Variants in WDR17 observed in about 807,000 individuals in gnomAD.
The protein encoded by WDR17 is WD repeat-containing protein 17.
WDR17 carries 143 observed loss-of-function variants against 161.7 expected under a neutral mutation model. The observed-to-expected ratio is 0.88, with a 90% confidence interval of 0.77 to 1.02. WDR17 has a LOEUF of 1.02. Ranked by LOEUF, WDR17 falls within the 50% of genes least tolerant of loss-of-function variation. WDR17 has a pLI of 0.00. For missense variants in WDR17, 1,469 were observed against 1,520.9 expected (o/e 0.97, Z 0.57); for synonymous variants, 517 against 515.6 (o/e 1.00, Z -0.04).
In WDR17 at chr4:176,177,108, T is replaced by C; in HGVS notation, c.3500T>C (p.Leu1167Pro). ...EVSVPLKIEY[L>P]SEELDAWRAC... ...TCAGTACCTTTAAAAATTGAATATC[T>C]TTCTGAGGAATTGGATGCATGGAGA... The change falls in exon 27 of 29, where the codon CTT (leucine) becomes CCT (proline). Residue 1167 changes from leucine (L) to proline (P), a missense_variant. By Grantham distance (98) the Leu-to-Pro change is moderately conservative. Transcript: ENST00000508596. 6.2e-7 allele frequency: 1 copy of C among 1,613,876 alleles called. No individual in the cohort carries two copies. The highest frequency in any genetic ancestry group is 8.5e-7 in the Non-Finnish European group (1 of 1,179,884).
chr4:176,151,869 G>A lies in WDR17; in HGVS notation c.2362G>A (p.Val788Ile), dbSNP rs1747179168. 3.7e-6 allele frequency: 6 copies of A among 1,612,448 alleles called. No individual in the cohort carries two copies. Among genetic ancestry groups the A allele is most frequent in the African/African-American group, 1.3e-5 (1 of 74,824 alleles). ...GTCTAAATTTGGTGGTGGTATTGGT[G>A]TACCTGCTAAAGAGGAAAGACTGAA... is the stretch of plus-strand genomic sequence containing the variant. Reference protein sequence around the residue: ...KMSKFGGGIGVPAKEERLKEA... With the variant: ...KMSKFGGGIGIPAKEERLKEA... Residue 788 changes from valine (V) to isoleucine (I), a missense_variant, in exon 17 of 29, where the codon GTA (valine) becomes ATA (isoleucine). Transcript: ENST00000508596.
At chr4:176,177,867 C>T (rs903070014) in intron 28 of WDR17, among the ~76,000 whole-genome samples, 2 of 151,480 alleles carry the variant, frequency 1.3e-5, no homozygotes, top group Admixed American at 6.6e-5. Flanking sequence ...CTGACTCTTA[C>T]CACAGAAGCA....
intron 1 of WDR17, among the ~76,000 whole-genome samples, chr4:176,084,911 G>T (rs1001112175): frequency 6.6e-6 from 1 of 151,054 alleles, no homozygotes; most frequent in Non-Finnish European, 1.5e-5. Context: ...ATCACTTAAC[G>T]GTATATGAAG....
intron 1 of WDR17, among the ~76,000 whole-genome samples, chr4:176,082,684 A>G (rs1734900858): frequency 6.6e-6 from 1 of 152,164 alleles, no homozygotes; most frequent in African/African-American, 2.4e-5. Flanking sequence ...CAAACAATAA[A>G]TCCCAATGCT....
intron 1 of WDR17, among the ~76,000 whole-genome samples, chr4:176,100,011 G>A (rs1485569990): frequency 6.6e-6 from 1 of 152,054 alleles, no homozygotes; most frequent in African/African-American, 2.4e-5. Flanking sequence ...TGATTCTATA[G>A]CTTTGCTATT....
chr4:176,084,494 T>C (rs1735168752), intron 1 of WDR17, among the ~76,000 whole-genome samples: 2 of 151,946 alleles, frequency 1.3e-5, no homozygotes, highest in African/African-American at 4.8e-5. Context: ...ACCTCCAACA[T>C]TGTGATCAAA....
chr4:176,144,088 C>T (rs1475146806), intron 11 of WDR17, among the ~76,000 whole-genome samples: 3 of 152,088 alleles, frequency 2.0e-5, no homozygotes, highest in African/African-American at 7.2e-5. Flanking sequence ...GATTTTCACC[C>T]CAAGGTTCAC....
chr4:176,129,035 C>G (rs1384408897), intron 6 of WDR17, among the ~76,000 whole-genome samples, 175 bp downstream of exon 6: 1 of 152,058 alleles, frequency 6.6e-6, no homozygotes, highest in African/African-American at 2.4e-5. Flanking sequence ...TCTACTGTTA[C>G]TAAATTGAAA....
intron 18 of WDR17, among the ~76,000 whole-genome samples, chr4:176,156,881 G>A (rs1009126185): frequency 2.9e-4 from 44 of 152,022 alleles, no homozygotes; most frequent in African/African-American, 8.9e-4. Flanking sequence ...TTTTTGACAC[G>A]TCACTCCAGT....
Position 176,179,974 on chromosome 4 carries a change from A to G in WDR17, c.*395A>G, listed in dbSNP as rs1380349729. On this transcript the variant is annotated 3_prime_UTR_variant, in exon 29 of 29. Coordinates refer to ENST00000508596, the MANE Select transcript of WDR17 (RefSeq NM_181265.4). The stretch of plus-strand genomic sequence containing the variant: ...GACATACAGTAAGTACTTAATGGAT[A>G]TTTGAATGATTGAATATCTTGAAAT... The G allele has an allele frequency of 6.6e-6, 1 of 152,266 alleles. No individual in the cohort carries two copies. The highest frequency in any genetic ancestry group is 1.9e-4 in the East Asian group (1 of 5,200). 9.4% of individuals were successfully genotyped at this position (152,266 alleles called of 1,614,324 possible).
rs561392216 is a variant in WDR17 at position 176,109,575 on chromosome 4, G to A, written c.-6-2000G>A. Reference sequence around the variant, plus strand: ...ACAGAAAGAATTGGAGAAGAGAAGAGGAGATGAGAAGAAAGTAGATCCTTT... The same window carrying A: ...ACAGAAAGAATTGGAGAAGAGAAGAAGAGATGAGAAGAAAGTAGATCCTTT... On this transcript the variant is annotated intron_variant, in intron 1 of 28. Coordinates refer to ENST00000508596, the MANE Select transcript of WDR17 (RefSeq NM_181265.4). 7.2e-5 allele frequency among the ~76,000 whole-genome samples: 11 copies of A among 152,276 alleles called. No homozygotes were observed. The East Asian group carries it at 2.1e-3, about 29-fold the overall frequency.
Position 176,173,271 on chromosome 4 carries a change from C to T in WDR17, c.3249C>T (p.Tyr1083=), listed in dbSNP as rs767830350. The part of the protein sequence containing the change: ...LPIGISFVKE[Y]ISSSDWTLDT... ...CATCTGGTTTAATTTTTCCAGAATA[C>T]ATCAGTAGCTCAGACTGGACTTTGG... Residue 1083 remains tyrosine (Y), a synonymous_variant, in exon 25 of 29, where the codon TAC becomes TAT. Coordinates refer to ENST00000508596, the MANE Select transcript of WDR17 (RefSeq NM_181265.4). 45 of 1,602,904 alleles carry T rather than the reference C, an allele frequency of 2.8e-5. No homozygotes were observed. Among genetic ancestry groups the T allele is most frequent in the Middle Eastern group, 1.7e-4 (1 of 5,828 alleles).
rs569978396 is a variant in WDR17, at chr4:176,066,443, A to G, written c.-7+364A>G. ...CCCTCCGCCGGCCAGACACTTCTGTATAGATCATTTACCCCTTTGAAGATG... is the reference window on the plus strand; with the variant it reads ...CCCTCCGCCGGCCAGACACTTCTGTGTAGATCATTTACCCCTTTGAAGATG... On this transcript the variant is annotated intron_variant, in intron 1 of 28. Transcript: ENST00000508596. 2.6e-5 allele frequency among the ~76,000 whole-genome samples: 4 copies of G among 152,296 alleles called. No individual in the cohort carries two copies. The South Asian group carries it at 8.3e-4, about 32-fold the overall frequency.
At position 176,148,330 on chromosome 4, in the gene WDR17, T is replaced by A; in HGVS notation, c.1892T>A (p.Val631Glu). The change falls in exon 13 of 29, where the codon GTA (valine) becomes GAA (glutamate). Residue 631 changes from valine to glutamate, a missense_variant. Physicochemically the swap from Val to Glu is moderately radical, Grantham distance 121. Coordinates refer to ENST00000508596, the MANE Select transcript of WDR17 (RefSeq NM_181265.4). ...VDTVYDHGADVYGLTCHPSRP... is the reference protein window; with the variant it reads ...VDTVYDHGADEYGLTCHPSRP... Reference sequence around the variant, plus strand: ...ACTGTGTATGATCACGGTGCAGATGTATATGGTAGAGTGTCTTTCATTCTT... The same window carrying A: ...ACTGTGTATGATCACGGTGCAGATGAATATGGTAGAGTGTCTTTCATTCTT... 1 of 1,613,316 alleles carries A rather than the reference T, an allele frequency of 6.2e-7. No individual in the cohort carries two copies. The highest frequency in any genetic ancestry group is 8.5e-7 in the Non-Finnish European group (1 of 1,179,454).
intron 22 of WDR17, 50 bp downstream of exon 22, chr4:176,163,343 T>C: frequency 1.3e-6 from 2 of 1,549,452 alleles, no homozygotes; most frequent in South Asian, 2.5e-5. Flanking sequence ...GGAATACATT[T>C]TTAAAACATT....
intron 1 of WDR17, among the ~76,000 whole-genome samples, chr4:176,106,221 C>G (rs1738690922): frequency 6.6e-6 from 1 of 151,862 alleles, no homozygotes; most frequent in Non-Finnish European, 1.5e-5. Flanking sequence ...CAGTGTCATA[C>G]CAGCATAAAG....
At chr4:176,155,515 T>C (rs1224824744) in intron 17 of WDR17, among the ~76,000 whole-genome samples, 1 of 149,654 alleles carries the variant, frequency 6.7e-6, no homozygotes, top group Admixed American at 6.7e-5. Flanking sequence ...TACAATCTTT[T>C]TTACTTTGTT....
chr4:176,150,150 A>T lies in WDR17; in HGVS notation c.2155A>T (p.Arg719Ter). 1 of 1,613,452 alleles carries T rather than the reference A, an allele frequency of 6.2e-7. No individual in the cohort carries two copies. The highest frequency in any genetic ancestry group is 1.1e-5 in the South Asian group (1 of 91,006). Reference sequence around the variant, plus strand: ...TGCTAATTCTCAAGTGAAAAAACTAAGATGGTTCTCAGAATGTTTATCTGT... The same window carrying T: ...TGCTAATTCTCAAGTGAAAAAACTATGATGGTTCTCAGAATGTTTATCTGT... ...LTANSQVKKL[R>*]WFSECLSPPG... The change falls in exon 15 of 29, where the codon AGA (arginine) becomes TGA (stop). Residue 719 changes from arginine to a stop codon, truncating the protein, a stop_gained. Transcript: ENST00000508596. LOFTEE classifies it high-confidence loss of function.
At chr4:176,158,014 G>A (rs1305144842) in intron 18 of WDR17, among the ~76,000 whole-genome samples, 1 of 152,220 alleles carries the variant, frequency 6.6e-6, no homozygotes, top group African/African-American at 2.4e-5. Context: ...GTGATGCCAA[G>A]GGAAAGTGAA....
Sources: allele counts gnomAD v4.1 joint callset (sites outside exome capture counted in the v4.1 genomes callset), GRCh38; gene constraint gnomAD v4.1.1; transcripts MANE v1.5; gene names NCBI Gene and HGNC (gene_info 2026-07-23, HGNC 2026-07-21).